Variants in CEP63 observed in about 807,000 individuals in gnomAD.
CEP63 encodes the protein centrosomal protein of 63 kDa.
Under a neutral mutation model 89.1 loss-of-function variants are expected in CEP63, and 84 were observed. The ratio of observed to expected loss-of-function variants is 0.94; its 90% confidence interval spans 0.79 to 1.13. CEP63 has a LOEUF of 1.13. Among genes scored for constraint, CEP63 ranks in the 50% most tolerant of loss-of-function variants. The pLI, the probability that CEP63 is intolerant of heterozygous loss-of-function variation, is 0.00. For missense variants in CEP63, 838 were observed against 813.3 expected, an observed-to-expected ratio of 1.03 and a Z score of -0.37; for synonymous variants, 267 against 272.5, an observed-to-expected ratio of 0.98 and a Z score of 0.20.
At chr3:134,774,094 A>C in the CEP63 span, among the ~76,000 whole-genome samples, 37 of 152,200 alleles carry the variant, frequency 2.4e-4, no homozygotes, top group Non-Finnish European at 4.4e-4. Context: ...TGGAAAGCAC[A>C]TCCCTCTGGG....
the CEP63 span, among the ~76,000 whole-genome samples, chr3:134,769,550 A>G: frequency 6.6e-6 from 1 of 152,238 alleles, no homozygotes; most frequent in Admixed American, 6.5e-5. Context: ...GGACTCCAAT[A>G]TCCACTGAAA....
At chr3:134,691,412 C>T in the CEP63 span, among the ~76,000 whole-genome samples, 41,613 of 147,490 alleles carry the variant, frequency 0.28, 5,776 homozygotes, top group Middle Eastern at 0.31. Context: ...CCTAGGAGTT[C>T]GAGACCAGCC....
chr3:134,551,909 T>G lies in CEP63; in HGVS notation c.1381-17T>G. 6.4e-7 allele frequency: 1 copy of G among 1,567,688 alleles called. No homozygotes were observed. Among genetic ancestry groups the G allele is most frequent in the Non-Finnish European group, 8.7e-7 (1 of 1,143,138 alleles). On this transcript the variant is annotated splice_polypyrimidine_tract_variant and intron_variant, in intron 11 of 14. Transcript: ENST00000675561. ...TTTACATGTTATATTTATTTTTTTC[T>G]GTTTTCCCCTTTTCAGGAGATTTTG...
the CEP63 span, chr3:134,603,460 G>T: frequency 1.1e-6 from 1 of 872,170 alleles, no homozygotes. Context: ...CTGAGGCAGA[G>T]GCCTAGAAGG....
At chr3:134,650,447 TG>T in the CEP63 span, among the ~76,000 whole-genome samples, 4 of 152,148 alleles carry the variant, frequency 2.6e-5, no homozygotes, top group East Asian at 7.8e-4. Context: ...CAGTGTGCTG[TG>T]GGGGGGAGCA....
chr3:134,561,182 CTG>C (rs1438211323), intron 14 of CEP63, among the ~76,000 whole-genome samples, 193 bp from the exon 15 acceptor site: 1 of 152,128 alleles, frequency 6.6e-6, no homozygotes, highest in Non-Finnish European at 1.5e-5. Flanking sequence ...ACGGAGAGAT[CTG>C]TGTTAATTTT....
the CEP63 span, among the ~76,000 whole-genome samples, chr3:134,717,995 C>T: frequency 6.6e-6 from 1 of 152,092 alleles, no homozygotes; most frequent in Non-Finnish European, 1.5e-5. Context: ...GAATGAGCAC[C>T]CAGGTTACTT....
the CEP63 span, among the ~76,000 whole-genome samples, chr3:134,745,566 G>A: frequency 6.6e-6 from 1 of 152,016 alleles, no homozygotes; most frequent in Non-Finnish European, 1.5e-5. Flanking sequence ...TAAGTTCTAG[G>A]GTACATGTGC....
At chr3:134,687,592 A>G in the CEP63 span, among the ~76,000 whole-genome samples, 1 of 152,224 alleles carries the variant, frequency 6.6e-6, no homozygotes, top group African/African-American at 2.4e-5. Flanking sequence ...AGCAGAGATC[A>G]GGATGGAGGG....
intron 1 of CEP63, 21 bp downstream of exon 1, chr3:134,486,223 G>A: frequency 1.0e-6 from 1 of 985,658 alleles, no homozygotes; most frequent in South Asian, 4.7e-5. Context: ...GAAGGCTCAG[G>A]GGCGTGCTTG....
chr3:134,687,142 C>A, the CEP63 span, among the ~76,000 whole-genome samples: 1 of 152,188 alleles, frequency 6.6e-6, no homozygotes, highest in Non-Finnish European at 1.5e-5. Context: ...AAGCAGCTCA[C>A]TCCAGATCAC....
At chr3:134,746,236 A>G in the CEP63 span, among the ~76,000 whole-genome samples, 1 of 151,446 alleles carries the variant, frequency 6.6e-6, no homozygotes, top group African/African-American at 2.4e-5. Flanking sequence ...ATGTCCCTAC[A>G]AAGGACATGA....
chr3:134,511,752 C>T (rs1945001867), intron 3 of CEP63, among the ~76,000 whole-genome samples: 1 of 152,084 alleles, frequency 6.6e-6, no homozygotes, highest in African/African-American at 2.4e-5. Context: ...TTTAAAGAAC[C>T]AGATCTCATG....
chr3:134,681,742 C>A, the CEP63 span, among the ~76,000 whole-genome samples: 1 of 152,180 alleles, frequency 6.6e-6, no homozygotes. Flanking sequence ...GAAAGAAGTT[C>A]AAAACAAAAC....
chr3:134,564,141 A>C lies in CEP63; in HGVS notation c.*2606A>C, dbSNP rs956548364. 4 of 365,302 alleles carry C rather than the reference A, an allele frequency of 1.1e-5. No individual in the cohort carries two copies. Among genetic ancestry groups the C allele is most frequent in the African/African-American group, 8.8e-5 (4 of 45,340 alleles). 22.6% of individuals were successfully genotyped at this position (365,302 alleles called of 1,614,324 possible). ...CTGTCTATTTCTGTCTTTAGAATTAAAACTCCTTGAGGGCAAGGACTTTGC... is the reference window on the plus strand; with the variant it reads ...CTGTCTATTTCTGTCTTTAGAATTACAACTCCTTGAGGGCAAGGACTTTGC... On this transcript the variant is annotated 3_prime_UTR_variant, in exon 15 of 15. Coordinates refer to ENST00000675561, the MANE Select transcript of CEP63 (RefSeq NM_001353108.3).
chr3:134,541,212 G>A (rs1951927394), intron 6 of CEP63, among the ~76,000 whole-genome samples: 1 of 152,010 alleles, frequency 6.6e-6, no homozygotes, highest in Admixed American at 6.6e-5. Flanking sequence ...TATTTTTTAT[G>A]GAAGTACAAT....
chr3:134,510,794 C>CTGG (rs200778532), intron 3 of CEP63: 3,616 of 353,788 alleles, frequency 0.01, 138 homozygotes, highest in South Asian at 0.066. Context: ...GGCTGCAGTT[C>CTGG]TGGCCCTGGA....
chr3:134,486,389 C>A (rs1863911), intron 1 of CEP63, 187 bp downstream of exon 1: 662,816 of 984,976 alleles, frequency 0.67, 223,636 homozygotes, highest in East Asian at 0.82. Flanking sequence ...CAGGCGCGTC[C>A]CCGCCGGCTT....
At chr3:134,647,486 C>T in the CEP63 span, 3 of 1,608,776 alleles carry the variant, frequency 1.9e-6, no homozygotes, top group East Asian at 4.5e-5. Flanking sequence ...CCATTTCCAA[C>T]ACCTTGGAAT....
Sources: gnomAD v4.1 joint callset for allele counts (sites outside exome capture counted in the v4.1 genomes callset) on GRCh38, gnomAD v4.1.1 for gene constraint, MANE v1.5 for transcripts, NCBI Gene and HGNC (gene_info 2026-07-23, HGNC 2026-07-21) for gene names.